Variants in LHFPL3 observed in about 807,000 individuals in gnomAD.
LHFPL3 encodes LHFPL tetraspan subfamily member 3 protein.
Under a neutral mutation model 19.3 loss-of-function variants are expected in LHFPL3, and 5 were observed. The ratio of observed to expected loss-of-function variants is 0.26; its 90% CI spans 0.14 to 0.54. LHFPL3 has a LOEUF of 0.54. LHFPL3 is among the 20% of genes least tolerant of loss of function. LHFPL3 has a pLI of 0.94. For synonymous variants in LHFPL3, 133 were observed against 126.2 expected (o/e 1.05, Z -0.36); for missense variants, 249 against 307.4 (o/e 0.81, Z 1.42).
In LHFPL3 at chr7:104,736,785, G is replaced by A. The variant is rs1210909842; in HGVS notation, c.556G>A (p.Val186Ile). The A allele has an allele frequency of 3.1e-6, 5 of 1,613,624 alleles. No individual in the cohort carries two copies. Among genetic ancestry groups the A allele is most frequent in the Non-Finnish European group, 4.2e-6 (5 of 1,179,808 alleles). ...CAAGTACACTCTTGGGGCTTGCTCA[G>A]TCCGCTGGGCATACATCCTGGCTAT... ...TDKYTLGACS[V>I]RWAYILAIIG... The change falls in exon 2 of 3, where the codon GTC (valine) becomes ATC (isoleucine). Residue 186 changes from valine (V) to isoleucine (I), a missense_variant. Val to Ile is a conservative substitution (Grantham distance 29). Coordinates refer to ENST00000424859, the MANE Select transcript of LHFPL3 (RefSeq NM_199000.3).
intron 1 of LHFPL3, among the ~76,000 whole-genome samples, chr7:104,471,327 T>C (rs765402121): frequency 1.3e-5 from 2 of 152,180 alleles, no homozygotes; most frequent in African/African-American, 2.4e-5. Context: ...CAATAGTCAG[T>C]TGTGGGATGG....
intron 1 of LHFPL3, among the ~76,000 whole-genome samples, chr7:104,361,135 G>A (rs1194953833): frequency 6.6e-6 from 1 of 152,166 alleles, no homozygotes; most frequent in East Asian, 1.9e-4. Flanking sequence ...GAGTTGAGTG[G>A]TTGCCATTGA....
chr7:104,726,832 C>T (rs1445909553), intron 1 of LHFPL3, among the ~76,000 whole-genome samples: 2 of 152,006 alleles, frequency 1.3e-5, no homozygotes, highest in African/African-American at 2.4e-5. Flanking sequence ...ATTTATATTC[C>T]TTTGGGTATA....
intron 1 of LHFPL3, among the ~76,000 whole-genome samples, chr7:104,397,949 G>A (rs1452294574): frequency 3.3e-5 from 5 of 152,056 alleles, no homozygotes; most frequent in Admixed American, 6.6e-5. Flanking sequence ...CTTCAAATGC[G>A]CAGTTTCTCA....
At chr7:104,469,214 G>A (rs190939001) in intron 1 of LHFPL3, among the ~76,000 whole-genome samples, 26 of 152,322 alleles carry the variant, frequency 1.7e-4, no homozygotes, top group African/African-American at 6.3e-4. Context: ...GAACAGAAAA[G>A]CATTGTCCTG....
intron 1 of LHFPL3, among the ~76,000 whole-genome samples, chr7:104,382,542 C>T (rs1344428088): frequency 3.3e-5 from 5 of 152,156 alleles, no homozygotes; most frequent in Non-Finnish European, 7.4e-5. Flanking sequence ...TCGTTGATGC[C>T]TGGGTTCCAT....
chr7:104,904,908 G>A (rs978671186), intron 2 of LHFPL3, among the ~76,000 whole-genome samples: 2 of 152,180 alleles, frequency 1.3e-5, no homozygotes, highest in South Asian at 2.1e-4. Flanking sequence ...CTAATCTATT[G>A]GAGAAAAGGA....
intron 1 of LHFPL3, among the ~76,000 whole-genome samples, chr7:104,572,031 C>T (rs545816835): frequency 6.6e-6 from 1 of 152,330 alleles, no homozygotes; most frequent in Admixed American, 6.5e-5. Context: ...TTCTGGTCGT[C>T]AGTCTGTTTT....
intron 2 of LHFPL3, among the ~76,000 whole-genome samples, chr7:104,890,184 G>T (rs1313905222): frequency 6.6e-6 from 1 of 152,104 alleles, no homozygotes; most frequent in African/African-American, 2.4e-5. Flanking sequence ...CTCACTTATA[G>T]TCTAGCTACT....
chr7:104,373,804 GT>G (rs550891516), intron 1 of LHFPL3, among the ~76,000 whole-genome samples: 68 of 152,176 alleles, frequency 4.5e-4, no homozygotes, highest in African/African-American at 1.6e-3. Flanking sequence ...ATCTCTTTAG[GT>G]TTGGGAGGGC....
At chr7:104,584,931 G>A (rs748517984) in intron 1 of LHFPL3, among the ~76,000 whole-genome samples, 9 of 152,146 alleles carry the variant, frequency 5.9e-5, no homozygotes, top group Non-Finnish European at 1.2e-4. Context: ...AGCATCTGGA[G>A]TTATGATTTT....
chr7:104,860,158 A>G (rs909827618), intron 2 of LHFPL3, among the ~76,000 whole-genome samples: 3 of 138,694 alleles, frequency 2.2e-5, no homozygotes, highest in Non-Finnish European at 4.6e-5. Flanking sequence ...CCCCCCAAAT[A>G]CACACACACA....
At chr7:104,412,671 G>A (rs772433767) in intron 1 of LHFPL3, among the ~76,000 whole-genome samples, 4 of 152,102 alleles carry the variant, frequency 2.6e-5, no homozygotes, top group Non-Finnish European at 5.9e-5. Context: ...AGCATAGGAG[G>A]TGTGTAAGCG....
At chr7:104,545,384 C>T (rs1462437564) in intron 1 of LHFPL3, among the ~76,000 whole-genome samples, 1 of 152,180 alleles carries the variant, frequency 6.6e-6, no homozygotes, top group Non-Finnish European at 1.5e-5. Flanking sequence ...CAGAATCATT[C>T]CCAGGTTCCT....
At chr7:104,499,922 C>T (rs1014503826) in intron 1 of LHFPL3, among the ~76,000 whole-genome samples, 2 of 152,058 alleles carry the variant, frequency 1.3e-5, no homozygotes, top group African/African-American at 4.8e-5. Context: ...TAAAACAAGC[C>T]AGCAGATTAA....
intron 1 of LHFPL3, among the ~76,000 whole-genome samples, chr7:104,697,546 G>C (rs922443790): frequency 6.6e-6 from 1 of 152,156 alleles, no homozygotes; most frequent in Admixed American, 6.5e-5. Flanking sequence ...AGCGCCAGTA[G>C]AACAGAAGTC....
intron 2 of LHFPL3, among the ~76,000 whole-genome samples, chr7:104,750,274 C>G (rs1794137648): frequency 6.6e-6 from 1 of 152,124 alleles, no homozygotes; most frequent in African/African-American, 2.4e-5. Context: ...GTCTACCAAC[C>G]CTTCAAACTG....
In LHFPL3 at chr7:104,778,784, C is replaced by G. The variant is rs183761381; in HGVS notation, c.682+41873C>G. 4.6e-5 allele frequency among the ~76,000 whole-genome samples: 7 copies of G among 152,366 alleles called. No homozygotes were observed. In the East Asian group the frequency reaches 1.2e-3, roughly 25 times the overall value. ...TAAAATCCAGGCTGCAACACTTACA[C>G]ACTGTCATAGTCAGCAACCATTCTG... is the stretch of plus-strand genomic sequence containing the variant. On this transcript the variant is annotated intron_variant, in intron 2 of 2. Coordinates refer to ENST00000424859, the MANE Select transcript of LHFPL3 (RefSeq NM_199000.3).
At chr7:104,846,378 CAAGT>C (rs931257496) in intron 2 of LHFPL3, among the ~76,000 whole-genome samples, 4 of 152,038 alleles carry the variant, frequency 2.6e-5, no homozygotes, top group Admixed American at 2.6e-4. Context: ...GGAAACTTCC[CAAGT>C]TAGTTGGAAG....
Sources: gnomAD v4.1 joint callset for allele counts (sites outside exome capture counted in the v4.1 genomes callset) on GRCh38, gnomAD v4.1.1 for gene constraint, MANE v1.5 for transcripts, NCBI Gene and HGNC (gene_info 2026-07-23, HGNC 2026-07-21) for gene names.